PRKX: variants seen among roughly 807,000 people sequenced by gnomAD.
PRKX encodes the protein protein kinase cAMP-dependent X-linked catalytic subunit.
Under a neutral mutation model 22.0 loss-of-function variants are expected in PRKX, and 12 were observed. The observed-to-expected ratio is 0.54, with a 90% CI of 0.35 to 0.88. PRKX has a LOEUF of 0.88. PRKX is among the 40% of genes least tolerant of loss of function. The pLI, the probability that PRKX is intolerant of heterozygous loss-of-function variation, is 0.01. For synonymous variants in PRKX, 134 were observed against 137.7 expected (o/e 0.97, Z 0.19); for missense variants, 217 against 308.0 (o/e 0.70, Z 2.21).
At chrX:3,693,865 G>A (rs761653424) in intron 1 of PRKX, among the ~76,000 whole-genome samples, 63 of 104,547 alleles carry the variant, frequency 6.0e-4, no homozygotes, top group Non-Finnish European at 6.9e-4. Flanking sequence ...GCGTGAACCC[G>A]GGAGGTGGAG....
At position 3,608,586 on chromosome X, in the gene PRKX, C is replaced by T. The variant is rs1322962499; in HGVS notation, c.*383G>A. On this transcript the variant is annotated 3_prime_UTR_variant, in exon 9 of 9. Transcript: ENST00000262848. ...ATATATACACACAGGCATACACACA[C>T]ACACACACACACACACACACACACA... 2 of 21,325 alleles carry T rather than the reference C, an allele frequency of 9.4e-5. No individual in the cohort carries two copies. The highest frequency in any genetic ancestry group is 1.7e-3 in the East Asian group (2 of 1,206). 1.8% of individuals were successfully genotyped at this position (21,325 alleles called of 1,213,427 possible). A position where few individuals can be genotyped will look rare whatever the true frequency, so the allele number is the denominator to read the frequency against.
rs139342606 is a variant in PRKX, at chrX:3,634,714, A to T, written c.719+7138T>A. ...ACAAATGTTTTCTCTCTTTTTAGAG[A>T]CAGGGTCTCTCTGTCACCCAGGCTG... On this transcript the variant is annotated intron_variant, in intron 4 of 8. Transcript: ENST00000262848. Among the ~76,000 whole-genome samples, 991 of 111,350 alleles carry T rather than the reference A, an allele frequency of 8.9e-3. 14 individuals carry two copies. The highest frequency in any genetic ancestry group is 0.031 in the African/African-American group (955 of 30,673).
chrX:3,689,040 T>G (rs1928241537), intron 1 of PRKX, among the ~76,000 whole-genome samples: 1 of 112,328 alleles, frequency 8.9e-6, no homozygotes, highest in Non-Finnish European at 1.9e-5. Flanking sequence ...TTTCACTATA[T>G]AACTTTCTCA....
intron 2 of PRKX, among the ~76,000 whole-genome samples, chrX:3,666,520 C>T (rs2146591178): frequency 9.0e-6 from 1 of 111,477 alleles, no homozygotes; most frequent in South Asian, 3.8e-4. Flanking sequence ...CCTGTAATCT[C>T]AGCACTTTGA....
chrX:3,664,813 G>A (rs1487591881), intron 2 of PRKX, among the ~76,000 whole-genome samples: 1 of 111,896 alleles, frequency 8.9e-6, no homozygotes, highest in Non-Finnish European at 1.9e-5. Context: ...ACTCCCAAAA[G>A]GGGAAGGCTG....
rs780135394 is a variant in PRKX, at chrX:3,713,146, C to A, written c.108G>T (p.Ala36=). The A allele has an allele frequency of 6.1e-6, 7 of 1,149,428 alleles. No individual in the cohort carries two copies. Among genetic ancestry groups the A allele is most frequent in the Non-Finnish European group, 6.9e-6 (6 of 869,239 alleles). The allele number at this position is 1,149,428 out of a possible 1,213,427, so 94.7% of individuals were successfully genotyped here. A position where few individuals can be genotyped will look rare whatever the true frequency, so the allele number is the denominator to read the frequency against. Residue 36 remains alanine, a synonymous_variant, in exon 1 of 9, where the codon GCG becomes GCT. Coordinates refer to ENST00000262848, the MANE Select transcript of PRKX (RefSeq NM_005044.5). ...GAPALCPSPE[A]LSPEPPVYSL... Reference sequence around the variant, plus strand: ...TGTACACAGGCGGCTCCGGCGACAGCGCCTCAGGGCTGGGGCAGAGCGCGG... The same window carrying A: ...TGTACACAGGCGGCTCCGGCGACAGAGCCTCAGGGCTGGGGCAGAGCGCGG...
At chrX:3,666,218 G>C (rs1195223015) in intron 2 of PRKX, among the ~76,000 whole-genome samples, 1 of 100,262 alleles carries the variant, frequency 1.0e-5, no homozygotes, top group Non-Finnish European at 2.0e-5. Flanking sequence ...GCAGTGGTGC[G>C]ATCTTGGCTC....
intron 1 of PRKX, among the ~76,000 whole-genome samples, chrX:3,689,663 G>A (rs1004849872): frequency 4.5e-5 from 5 of 112,041 alleles, no homozygotes; most frequent in African/African-American, 1.6e-4. Context: ...TTGGGTGAGA[G>A]AGCAAGACTC....
At chrX:3,707,295 A>ACC (rs56041983) in intron 1 of PRKX, among the ~76,000 whole-genome samples, 162 of 112,183 alleles carry the variant, frequency 1.4e-3, no homozygotes, top group Non-Finnish European at 2.5e-3. Flanking sequence ...ATTCACACAC[A>ACC]GAGTGACCAG....
intron 1 of PRKX, among the ~76,000 whole-genome samples, chrX:3,705,691 C>CTTTTTTTTTTT (rs1365283802): frequency 9.8e-6 from 1 of 101,807 alleles, no homozygotes; most frequent in Non-Finnish European, 2.0e-5. Flanking sequence ...TTTTTCTTTT[C>CTTTTTTTTTTT]TTTTTTTTTT....
In PRKX at chrX:3,621,078, A is replaced by C. The variant is rs190356476; in HGVS notation, c.873+181T>G. Among the ~76,000 whole-genome samples the C allele has an allele frequency of 9.1e-3, 1,017 of 111,363 alleles. 13 individuals are homozygous for C. Among genetic ancestry groups the C allele is most frequent in the African/African-American group, 0.032 (986 of 30,658 alleles). Reference sequence around the variant, plus strand: ...GGGCCCAGAAACCGAGATTTGATAGATCTTTCCTGGCAGTTTCAAGTAAAA... The same window carrying C: ...GGGCCCAGAAACCGAGATTTGATAGCTCTTTCCTGGCAGTTTCAAGTAAAA... On this transcript the variant is annotated intron_variant, in intron 6 of 8. Transcript: ENST00000262848.
intron 2 of PRKX, among the ~76,000 whole-genome samples, chrX:3,655,861 T>C (rs1171463117): frequency 8.9e-6 from 1 of 112,180 alleles, no homozygotes; most frequent in Non-Finnish European, 1.9e-5. Context: ...GGAATACAGG[T>C]GTAGACAGAT....
intron 8 of PRKX, among the ~76,000 whole-genome samples, chrX:3,610,469 G>A (rs1418071264): frequency 2.7e-5 from 3 of 110,519 alleles, no homozygotes; most frequent in African/African-American, 6.6e-5. Flanking sequence ...GCAACCGAGC[G>A]AGACTCTGTC....
At chrX:3,645,296 C>T (rs771185555) in intron 3 of PRKX, among the ~76,000 whole-genome samples, 1 of 110,508 alleles carries the variant, frequency 9.0e-6, no homozygotes, top group African/African-American at 3.3e-5. Flanking sequence ...GCCATGTTAA[C>T]GAAGGAGAAA....
At chrX:3,612,448 G>A in intron 7 of PRKX, 123 bp from the exon 8 acceptor site, 1 of 795,099 alleles carries the variant, frequency 1.3e-6, no homozygotes, top group East Asian at 3.8e-5. Flanking sequence ...AAACACTAAA[G>A]CTGTCTTCCC....
chrX:3,643,490 C>T (rs1025293315), intron 3 of PRKX, among the ~76,000 whole-genome samples: 2 of 111,094 alleles, frequency 1.8e-5, no homozygotes, highest in African/African-American at 3.3e-5. Context: ...TTGTCTGGGC[C>T]GTACTCCATT....
chrX:3,709,343 A>T (rs1928744673), intron 1 of PRKX, among the ~76,000 whole-genome samples: 1 of 111,340 alleles, frequency 9.0e-6, no homozygotes, highest in South Asian at 3.8e-4. Context: ...CTGTTTTTGA[A>T]ATCCCCTGTG....
intron 7 of PRKX, among the ~76,000 whole-genome samples, chrX:3,614,174 A>G (rs950368885): frequency 2.0e-4 from 23 of 112,196 alleles, no homozygotes; most frequent in Non-Finnish European, 1.3e-4. Context: ...TTATAGCACC[A>G]CGAATGGAAT....
intron 3 of PRKX, among the ~76,000 whole-genome samples, chrX:3,653,969 G>C (rs1331934868): frequency 1.5e-5 from 1 of 68,576 alleles, no homozygotes; most frequent in African/African-American, 6.2e-5. Context: ...TATATACTAT[G>C]TGATATATAT....
Sources: gnomAD v4.1 joint callset for allele counts (sites outside exome capture counted in the v4.1 genomes callset) on GRCh38, gnomAD v4.1.1 for gene constraint, MANE v1.5 for transcripts, NCBI Gene and HGNC (gene_info 2026-07-23, HGNC 2026-07-21) for gene names.